The following SMIM21 variants were observed in gnomAD, a reference collection of about 807,000 sequenced individuals.
SMIM21 encodes the protein chromosome 18 open reading frame 62.
In SMIM21, 8 loss-of-function variants were observed where a neutral mutation model predicts 8.6. That is an observed-to-expected ratio of 0.93 (90% CI 0.55 to 1.68). SMIM21 has a LOEUF of 1.68. SMIM21 is among the 40% of genes most tolerant of loss of function. The pLI is 0.00. For synonymous variants in SMIM21, 43 were observed against 41.7 expected (o/e 1.03, Z -0.12); for missense variants, 132 against 123.0 (o/e 1.07, Z -0.35).
chr18:75,413,861 A>C (rs980159541), intron 2 of SMIM21, among the ~76,000 whole-genome samples: 2 of 152,194 alleles, frequency 1.3e-5, no homozygotes, highest in African/African-American at 4.8e-5. Flanking sequence ...ACAGGGATGA[A>C]TAAATTGTAG....
Position 75,427,450 on chromosome 18 carries a change from C to T in SMIM21, c.114G>A (p.Lys38=). The T allele has an allele frequency of 6.2e-7, 1 of 1,613,978 alleles. No individual in the cohort carries two copies. Residue 38 remains lysine, a synonymous_variant, in exon 1 of 3, where the codon AAG becomes AAA. Transcript: ENST00000579022. ...GRIFKGNLLQ[K]KALTTFENEH... is the part of the protein sequence containing the mutation. ...ATAAACTCACTGTGGTAAGTGCTTTCTTCTGCAGCAAATTCCCCTTGAATA... is the reference window on the plus strand; with the variant it reads ...ATAAACTCACTGTGGTAAGTGCTTTTTTCTGCAGCAAATTCCCCTTGAATA...
chr18:75,422,493 C>A (rs2024720046), intron 1 of SMIM21, among the ~76,000 whole-genome samples: 1 of 152,030 alleles, frequency 6.6e-6, no homozygotes, highest in African/African-American at 2.4e-5. Context: ...AAACATATGT[C>A]CACACAAAAA....
intron 2 of SMIM21, chr18:75,418,000 G>T (rs376186959): frequency 7.5e-5 from 29 of 387,934 alleles, no homozygotes; most frequent in Admixed American, 2.2e-4. Flanking sequence ...TTGTTTGCTT[G>T]TTTCAGTTTT....
At position 75,410,705 on chromosome 18, in the gene SMIM21, C is replaced by T; in HGVS notation, c.*159G>A. ...AAGAACAAAGCAGACATTATCATTGCAAAAAGTTACACGTTCTTCATTCTC... is the reference window on the plus strand; with the variant it reads ...AAGAACAAAGCAGACATTATCATTGTAAAAAGTTACACGTTCTTCATTCTC... On this transcript the variant is annotated 3_prime_UTR_variant, in exon 3 of 3. Transcript: ENST00000579022. 7.0e-7 allele frequency: 1 copy of T among 1,435,098 alleles called. No homozygotes were observed. Among genetic ancestry groups the T allele is most frequent in the Non-Finnish European group, 9.1e-7 (1 of 1,098,890 alleles). 88.9% of individuals were successfully genotyped at this position (1,435,098 alleles called of 1,614,324 possible).
chr18:75,426,649 A>ATGG (rs1568156494), intron 1 of SMIM21, among the ~76,000 whole-genome samples: 8 of 72,526 alleles, frequency 1.1e-4, no homozygotes, highest in Non-Finnish European at 2.2e-4. Context: ...AAAAAAAAAA[A>ATGG]AAAAAAAAAA....
intron 1 of SMIM21, among the ~76,000 whole-genome samples, chr18:75,423,668 C>A (rs1485306417): frequency 6.6e-6 from 1 of 152,218 alleles, no homozygotes; most frequent in East Asian, 1.9e-4. Context: ...GTGCCCTTTT[C>A]TTTAAACTTC....
chr18:75,419,601 T>C (rs2024688310), intron 1 of SMIM21, among the ~76,000 whole-genome samples: 1 of 152,190 alleles, frequency 6.6e-6, no homozygotes, highest in Admixed American at 6.5e-5. Context: ...GTGGTGGCCA[T>C]TGGAATAACA....
rs192086803 is a variant in SMIM21 at position 75,426,837 on chromosome 18, C to A, written c.129+598G>T. Among the ~76,000 whole-genome samples, 14 of 152,132 alleles carry A rather than the reference C, an allele frequency of 9.2e-5. No homozygotes were observed. In the East Asian group the frequency reaches 2.1e-3, roughly 23 times the overall value. ...AGAAATTTTGTCTTAGGACTTTAAC[C>A]TTTCCGATATATGACTGGGTCATAA... On this transcript the variant is annotated intron_variant, in intron 1 of 2. Transcript: ENST00000579022.
intron 1 of SMIM21, among the ~76,000 whole-genome samples, chr18:75,423,428 C>A (rs9789146): frequency 0.19 from 28,510 of 152,210 alleles, 4,000 homozygotes; most frequent in African/African-American, 0.39. Context: ...AGAACAGAAA[C>A]ATTTAATTTA....
chr18:75,422,090 A>T (rs1019049726), intron 1 of SMIM21, among the ~76,000 whole-genome samples: 1 of 152,148 alleles, frequency 6.6e-6, no homozygotes, highest in East Asian at 1.9e-4. Flanking sequence ...GACCCCCAGT[A>T]GTCCAGCCAA....
At chr18:75,412,474 C>A (rs2024594627) in intron 2 of SMIM21, 1 of 152,222 alleles carries the variant, frequency 6.6e-6, no homozygotes, top group Non-Finnish European at 1.5e-5. Flanking sequence ...GCTGCTTTTT[C>A]TGGCAGAATC....
intron 2 of SMIM21, among the ~76,000 whole-genome samples, chr18:75,413,592 G>C (rs895345287): frequency 1.7e-4 from 26 of 152,192 alleles, no homozygotes; most frequent in African/African-American, 6.3e-4. Context: ...GCCATTCGTG[G>C]TCTGGTATGA....
At chr18:75,427,319 G>A (rs957190683) in intron 1 of SMIM21, 116 bp downstream of exon 1, 1 of 1,205,058 alleles carries the variant, frequency 8.3e-7, no homozygotes, top group African/African-American at 1.5e-5. Flanking sequence ...CGTAGAATCT[G>A]GATTTGAGAG....
chr18:75,416,297 C>T (rs979172364), intron 2 of SMIM21: 15 of 152,224 alleles, frequency 9.9e-5, no homozygotes, highest in Non-Finnish European at 4.4e-5. Flanking sequence ...CGTGGTTGAG[C>T]ATCTTTTCAC....
chr18:75,417,525 G>A (rs1865723), intron 2 of SMIM21: 68,752 of 152,062 alleles, frequency 0.45, 18,018 homozygotes, highest in East Asian at 0.79. Context: ...GAATATAGCT[G>A]ATGTAGAATA....
At chr18:75,414,849 G>A (rs1388553896) in intron 2 of SMIM21, among the ~76,000 whole-genome samples, 3 of 152,134 alleles carry the variant, frequency 2.0e-5, no homozygotes, top group East Asian at 3.8e-4. Context: ...TGCGTACCCC[G>A]CTCAGGGATG....
chr18:75,420,044 G>C (rs1246723956), intron 1 of SMIM21, among the ~76,000 whole-genome samples: 1 of 152,198 alleles, frequency 6.6e-6, no homozygotes, highest in African/African-American at 2.4e-5. Context: ...AATAGGGCTA[G>C]GCACCATTGA....
chr18:75,427,511 C>T lies in SMIM21; in HGVS notation c.53G>A (p.Gly18Glu). Reference sequence around the variant, plus strand: ...TCCTGCAGAGTCTTGTTTAAATGTTCCCAGCTGTGCTATAGGGAATCGGGG... The same window carrying T: ...TCCTGCAGAGTCTTGTTTAAATGTTTCCAGCTGTGCTATAGGGAATCGGGG... The part of the protein sequence containing the change: ...APPRFPIAQL[G>E]TFKQDSAGMG... The change falls in exon 1 of 3, where the codon GGA (glycine) becomes GAA (glutamate). Residue 18 changes from glycine to glutamate, a missense_variant. Gly to Glu is a moderately conservative substitution (Grantham distance 98). Transcript: ENST00000579022. 6.2e-7 allele frequency: 1 copy of T among 1,614,022 alleles called. No homozygotes were observed. The highest frequency in any genetic ancestry group is 8.5e-7 in the Non-Finnish European group (1 of 1,179,968).
At chr18:75,426,183 C>G (rs2024759267) in intron 1 of SMIM21, among the ~76,000 whole-genome samples, 3 of 152,182 alleles carry the variant, frequency 2.0e-5, no homozygotes, top group Admixed American at 2.0e-4. Context: ...AGAAGGACTT[C>G]AAATCGACTT....
Sources: allele counts gnomAD v4.1 joint callset (sites outside exome capture counted in the v4.1 genomes callset), GRCh38; gene constraint gnomAD v4.1.1; transcripts MANE v1.5; gene names NCBI Gene and HGNC (gene_info 2026-07-23, HGNC 2026-07-21).